The following PCCA variants were observed in gnomAD, a reference collection of about 807,000 sequenced individuals.
PCCA encodes the protein propionyl-CoA carboxylase alpha chain, mitochondrial.
Under a neutral mutation model 101.3 loss-of-function variants are expected in PCCA, and 74 were observed. The observed-to-expected ratio is 0.73, with a 90% CI of 0.61 to 0.89. The LOEUF is 0.89. Among genes scored for constraint, PCCA ranks in the 40% least tolerant of loss-of-function variants. The pLI is 0.00. For synonymous variants in PCCA, 294 were observed against 313.6 expected (o/e 0.94, Z 0.66); for missense variants, 891 against 907.0 (o/e 0.98, Z 0.23).
intron 6 of PCCA, among the ~76,000 whole-genome samples, chr13:100,204,219 C>T (rs1053030296): frequency 4.6e-5 from 7 of 151,960 alleles, no homozygotes; most frequent in Non-Finnish European, 1.0e-4. Flanking sequence ...AGCCTCTACC[C>T]GCTGGGCTCA....
chr13:100,108,895 A>G (rs1464124455), intron 2 of PCCA, among the ~76,000 whole-genome samples: 1 of 152,220 alleles, frequency 6.6e-6, no homozygotes, highest in Non-Finnish European at 1.5e-5. Flanking sequence ...ATTCTGAATT[A>G]TATGCATCTA....
intron 19 of PCCA, among the ~76,000 whole-genome samples, chr13:100,413,766 G>A (rs549587483): frequency 6.6e-6 from 1 of 152,282 alleles, no homozygotes; most frequent in South Asian, 2.1e-4. Context: ...ACCATTCACG[G>A]CAATACTGCA....
intron 8 of PCCA, among the ~76,000 whole-genome samples, chr13:100,248,374 T>C (rs937979200): frequency 6.6e-6 from 1 of 152,206 alleles, no homozygotes; most frequent in Non-Finnish European, 1.5e-5. Context: ...GGAAATTTTA[T>C]ACTCTATTTC....
chr13:100,290,558 C>G (rs545499685), intron 12 of PCCA, among the ~76,000 whole-genome samples: 25 of 152,184 alleles, frequency 1.6e-4, no homozygotes, highest in African/African-American at 6.0e-4. Context: ...TTTTTCCAAC[C>G]AGGATATGCC....
chr13:100,508,598 C>G (rs1179437003), intron 21 of PCCA, among the ~76,000 whole-genome samples: 1 of 152,214 alleles, frequency 6.6e-6, no homozygotes, highest in Middle Eastern at 3.2e-3. Flanking sequence ...CTGCCTTTTT[C>G]AGTTGGAGCA....
intron 1 of PCCA, among the ~76,000 whole-genome samples, chr13:100,097,714 T>G (rs955677679): frequency 1.6e-4 from 25 of 151,924 alleles, no homozygotes; most frequent in Admixed American, 1.6e-3. Flanking sequence ...TGAGACTCCG[T>G]CTCAAAAAAC....
intron 4 of PCCA, among the ~76,000 whole-genome samples, chr13:100,127,571 T>C (rs543469832): frequency 6.6e-6 from 1 of 152,268 alleles, no homozygotes; most frequent in African/African-American, 2.4e-5. Flanking sequence ...TCAGAAGTCC[T>C]ATCTTACTGA....
At chr13:100,398,880 T>G (rs1321680749) in intron 19 of PCCA, among the ~76,000 whole-genome samples, 1 of 152,206 alleles carries the variant, frequency 6.6e-6, no homozygotes, top group African/African-American at 2.4e-5. Context: ...TTTAAAAATT[T>G]ACTATTAATT....
chr13:100,365,546 T>C (rs1246473371), intron 18 of PCCA, among the ~76,000 whole-genome samples: 2 of 152,150 alleles, frequency 1.3e-5, no homozygotes, highest in Admixed American at 1.3e-4. Context: ...TATTACAGCA[T>C]ATGACATAGA....
At chr13:100,299,672 G>A (rs1047046502) in intron 12 of PCCA, among the ~76,000 whole-genome samples, 3 of 152,266 alleles carry the variant, frequency 2.0e-5, no homozygotes, top group Admixed American at 2.0e-4. Flanking sequence ...TATCAGGGAT[G>A]TGTGAATAGT....
Position 100,103,034 on chromosome 13 carries a change from G to A in PCCA, c.183+74G>A, listed in dbSNP as rs2047418183. 3 of 944,844 alleles carry A rather than the reference G, an allele frequency of 3.2e-6. No individual in the cohort carries two copies. In the African/African-American group the frequency reaches 4.8e-5, roughly 15 times the overall value. The allele number at this position is 944,844 out of a possible 1,614,324, so 58.5% of individuals were successfully genotyped here. On this transcript the variant is annotated intron_variant, in intron 2 of 23. Transcript: ENST00000376285. Reference sequence around the variant, plus strand: ...TTTTACTTTCTCGTCTCCACACTGTGTTCAGTGGACAGATGAGATTTTGTT... The same window carrying A: ...TTTTACTTTCTCGTCTCCACACTGTATTCAGTGGACAGATGAGATTTTGTT...
intron 4 of PCCA, among the ~76,000 whole-genome samples, chr13:100,130,087 C>A (rs1282481106): frequency 1.3e-5 from 2 of 152,196 alleles, no homozygotes; most frequent in African/African-American, 2.4e-5. Context: ...TCCACAAAAA[C>A]CAGAGAAAAA....
intron 4 of PCCA, chr13:100,150,960 C>T: frequency 6.6e-7 from 1 of 1,519,202 alleles, no homozygotes; most frequent in Non-Finnish European, 9.1e-7. Flanking sequence ...CGCGCTTTAT[C>T]AGGCTGGGTG....
At chr13:100,257,522 G>A (rs1438557221) in intron 8 of PCCA, 73 bp from the exon 9 acceptor site, 2 of 999,478 alleles carry the variant, frequency 2.0e-6, no homozygotes, top group Non-Finnish European at 3.2e-6. Context: ...TATTGAACAT[G>A]TGGTCAATTG....
intron 19 of PCCA, among the ~76,000 whole-genome samples, chr13:100,422,071 T>TTCTTTCCTTCC: frequency 3.4e-4 from 1 of 2,948 alleles, no homozygotes; most frequent in African/African-American, 4.5e-4. Flanking sequence ...TCTCTTTTCT[T>TTCTTTCCTTCC]TTCTTTCTTT....
At chr13:100,182,709 C>CA (rs2056911698) in intron 6 of PCCA, among the ~76,000 whole-genome samples, 1 of 152,112 alleles carries the variant, frequency 6.6e-6, no homozygotes, top group Admixed American at 6.6e-5. Flanking sequence ...CCTGTTGGAA[C>CA]ATGCTGACTT....
At chr13:100,190,835 C>T (rs558633870) in intron 6 of PCCA, among the ~76,000 whole-genome samples, 1 of 152,248 alleles carries the variant, frequency 6.6e-6, no homozygotes. Flanking sequence ...TGGTGGTTCA[C>T]ACCTGTAATC....
chr13:100,489,233 G>A (rs1029823438), intron 21 of PCCA, among the ~76,000 whole-genome samples: 21 of 152,138 alleles, frequency 1.4e-4, no homozygotes, highest in Non-Finnish European at 1.8e-4. Context: ...GCGTGAACCC[G>A]GGAGGCGGAG....
rs547481126 is a variant in PCCA, at chr13:100,512,876, C to T, written c.1900-2551C>T. ...ACGGTGAAACCGAGCTTGTACCCCA[C>T]GGTCCAGGTAGGGGCACATTCCTGA... On this transcript the variant is annotated intron_variant, in intron 21 of 23. Coordinates refer to ENST00000376285, the MANE Select transcript of PCCA (RefSeq NM_000282.4). Among the ~76,000 whole-genome samples, 136 of 152,364 alleles carry T rather than the reference C, an allele frequency of 8.9e-4. 1 individual carries two copies. The highest frequency in any genetic ancestry group is 3.4e-3 in the Middle Eastern group (1 of 294).
Sources: gnomAD v4.1 joint callset for allele counts (sites outside exome capture counted in the v4.1 genomes callset) on GRCh38, gnomAD v4.1.1 for gene constraint, MANE v1.5 for transcripts, NCBI Gene and HGNC (gene_info 2026-07-23, HGNC 2026-07-21) for gene names.